BTBD9: variants seen among roughly 807,000 people sequenced by gnomAD.
BTBD9 encodes the protein BTB/POZ domain-containing protein 9.
Under a neutral mutation model 64.3 loss-of-function variants are expected in BTBD9, and 49 were observed. That is an observed-to-expected ratio of 0.76 (90% confidence interval 0.61 to 0.97). BTBD9 has a LOEUF of 0.97. Among genes scored for constraint, BTBD9 ranks in the 50% least tolerant of loss-of-function variants. The pLI is 0.00. For missense variants in BTBD9, 598 were observed against 762.1 expected (o/e 0.78, Z 2.53); for synonymous variants, 260 against 274.7 (o/e 0.95, Z 0.53).
intron 6 of BTBD9, among the ~76,000 whole-genome samples, chr6:38,390,267 T>C (rs1434406847): frequency 6.6e-6 from 1 of 152,214 alleles, no homozygotes; most frequent in Non-Finnish European, 1.5e-5. Context: ...GTATTTGTAG[T>C]AGAGATGAGG....
chr6:38,484,420 T>C (rs1386604561), intron 6 of BTBD9, among the ~76,000 whole-genome samples: 1 of 152,222 alleles, frequency 6.6e-6, no homozygotes, highest in Non-Finnish European at 1.5e-5. Flanking sequence ...CTATTTGAGA[T>C]TATAATCAGT....
rs16890781 is a variant in BTBD9 at position 38,519,554 on chromosome 6, C to T, written c.1154+58046G>A. Among the ~76,000 whole-genome samples, 443 of 152,230 alleles carry T rather than the reference C, an allele frequency of 2.9e-3. 4 individuals are homozygous for T. Among genetic ancestry groups the T allele is most frequent in the East Asian group, 0.022 (113 of 5,174 alleles). On this transcript the variant is annotated intron_variant, in intron 6 of 10. Transcript: ENST00000481247. Reference sequence around the variant, plus strand: ...TCACTTTAAAATCCTTTCAACCTTGCTTTTTCATTTGAAAAACTTCATTAA... The same window carrying T: ...TCACTTTAAAATCCTTTCAACCTTGTTTTTTCATTTGAAAAACTTCATTAA...
intron 9 of BTBD9, among the ~76,000 whole-genome samples, chr6:38,219,129 C>CTTTTTTT (rs5875622): frequency 4.8e-4 from 34 of 70,852 alleles, no homozygotes; most frequent in African/African-American, 6.9e-4. Context: ...ACTTTCTTTT[C>CTTTTTTT]TTTTTTTTTT....
intron 9 of BTBD9, among the ~76,000 whole-genome samples, chr6:38,232,274 CTTTTT>C (rs990677793): frequency 2.1e-5 from 3 of 140,790 alleles, no homozygotes; most frequent in Non-Finnish European, 3.1e-5. Context: ...TCTCTGTTTT[CTTTTT>C]TTTTTTTTTT....
intron 6 of BTBD9, among the ~76,000 whole-genome samples, chr6:38,347,992 G>A (rs1409621614): frequency 6.6e-6 from 1 of 152,152 alleles, no homozygotes; most frequent in Non-Finnish European, 1.5e-5. Context: ...GTGAGATTCT[G>A]TCTCAAAACA....
At chr6:38,248,831 C>A (rs1043430544) in intron 9 of BTBD9, among the ~76,000 whole-genome samples, 1 of 152,178 alleles carries the variant, frequency 6.6e-6, no homozygotes, top group African/African-American at 2.4e-5. Context: ...AATGAAAAAT[C>A]TTGGTGAATT....
rs145671357 is a variant in BTBD9, at chr6:38,303,915, G to GTA, written c.1265-15456_1265-15455dup. On this transcript the variant is annotated intron_variant, in intron 7 of 10. Coordinates refer to ENST00000481247, the MANE Select transcript of BTBD9 (RefSeq NM_001099272.2). ...TGTATATATATACGTGTATATATGT[G>GTA]TATATATATATATACACGTGTGTGT... Among the ~76,000 whole-genome samples the GTA allele has an allele frequency of 9.5e-3, 1,225 of 128,946 alleles. 25 individuals are homozygous for GTA. Among genetic ancestry groups the GTA allele is most frequent in the African/African-American group, 0.025 (898 of 35,314 alleles). 84.6% of individuals were successfully genotyped at this position (128,946 alleles called of 152,430 possible). A position where few individuals can be genotyped will look rare whatever the true frequency, so the allele number is the denominator to read the frequency against.
At chr6:38,322,625 G>T (rs1661018025) in intron 7 of BTBD9, among the ~76,000 whole-genome samples, 1 of 152,182 alleles carries the variant, frequency 6.6e-6, no homozygotes, top group African/African-American at 2.4e-5. Context: ...CCACCCAGAG[G>T]CCAATAGCCA....
intron 6 of BTBD9, among the ~76,000 whole-genome samples, chr6:38,431,785 T>A (rs1027307057): frequency 3.9e-5 from 6 of 152,006 alleles, no homozygotes; most frequent in Non-Finnish European, 7.3e-5. Flanking sequence ...TCTGTCTATA[T>A]CCCCATTGCA....
At chr6:38,227,148 C>T (rs1433314881) in intron 9 of BTBD9, among the ~76,000 whole-genome samples, 1 of 152,158 alleles carries the variant, frequency 6.6e-6, no homozygotes, top group Non-Finnish European at 1.5e-5. Flanking sequence ...AAACCAAATG[C>T]TATACTGAAA....
intron 7 of BTBD9, among the ~76,000 whole-genome samples, chr6:38,329,391 C>T (rs1763586170): frequency 6.8e-6 from 1 of 148,042 alleles, no homozygotes; most frequent in Non-Finnish European, 1.5e-5. Context: ...TGCATGATCT[C>T]GGCTCACCGC....
chr6:38,259,764 G>C (rs1282695830), intron 8 of BTBD9, among the ~76,000 whole-genome samples: 1 of 152,012 alleles, frequency 6.6e-6, no homozygotes, highest in Non-Finnish European at 1.5e-5. Flanking sequence ...TAATATTTTT[G>C]AACTCATCTT....
chr6:38,200,970 T>C (rs1031292495), intron 9 of BTBD9, among the ~76,000 whole-genome samples: 27 of 151,890 alleles, frequency 1.8e-4, no homozygotes, highest in Non-Finnish European at 1.5e-5. Flanking sequence ...CAGTGAGCAT[T>C]GATTGTGCCA....
chr6:38,344,258 T>A (rs886279569), intron 7 of BTBD9, among the ~76,000 whole-genome samples: 4 of 152,084 alleles, frequency 2.6e-5, no homozygotes, highest in Non-Finnish European at 5.9e-5. Flanking sequence ...GTATCTAGAA[T>A]GTCAAGACCT....
At chr6:38,604,077 C>T (rs1009546229) in intron 1 of BTBD9, among the ~76,000 whole-genome samples, 2 of 152,172 alleles carry the variant, frequency 1.3e-5, no homozygotes, top group Non-Finnish European at 2.9e-5. Flanking sequence ...ACTGACCGTG[C>T]TGCTAGATGT....
At chr6:38,545,888 A>G (rs1774533564) in intron 6 of BTBD9, among the ~76,000 whole-genome samples, 1 of 149,812 alleles carries the variant, frequency 6.7e-6, no homozygotes, top group South Asian at 2.1e-4. Context: ...ACACACACAC[A>G]CACACACACA....
chr6:38,242,656 G>T (rs545551456), intron 9 of BTBD9, among the ~76,000 whole-genome samples: 2 of 152,322 alleles, frequency 1.3e-5, no homozygotes, highest in East Asian at 3.9e-4. Flanking sequence ...TAGAAGAAAT[G>T]TCTTCCTGTC....
At chr6:38,417,318 C>G (rs1348500809) in intron 6 of BTBD9, among the ~76,000 whole-genome samples, 1 of 152,192 alleles carries the variant, frequency 6.6e-6, no homozygotes, top group African/African-American at 2.4e-5. Flanking sequence ...TCAGGTGTCT[C>G]CCACTGTACT....
intron 6 of BTBD9, among the ~76,000 whole-genome samples, chr6:38,502,003 A>C (rs1462088587): frequency 6.6e-6 from 1 of 152,240 alleles, no homozygotes. Context: ...TCCTGGGAAC[A>C]AAAGTTTGAG....
Sources: allele counts gnomAD v4.1 joint callset (sites outside exome capture counted in the v4.1 genomes callset), GRCh38; gene constraint gnomAD v4.1.1; transcripts MANE v1.5; gene names NCBI Gene and HGNC (gene_info 2026-07-23, HGNC 2026-07-21).